Variants in PCDHA3 observed in about 807,000 individuals in gnomAD.
The protein encoded by PCDHA3 is protocadherin alpha-3.
A neutral mutation model predicts 62.2 loss-of-function variants in PCDHA3; 41 were observed. The observed-to-expected ratio is 0.66, with a 90% confidence interval of 0.51 to 0.86. The LOEUF is 0.86. PCDHA3 is among the 40% of genes least tolerant of loss of function. The probability of loss-of-function intolerance (pLI) is 0.00; values close to 1 mark genes in which losing one functional copy is unlikely to be tolerated. For synonymous variants in PCDHA3, 640 were observed against 555.4 expected (o/e 1.15, Z -2.14); for missense variants, 1,304 against 1,241.2 (o/e 1.05, Z -0.76).
chr5:140,865,139 A>G (rs1467997658), intron 1 of PCDHA3: 1 of 152,202 alleles, frequency 6.6e-6, no homozygotes, highest in Non-Finnish European at 1.5e-5. Flanking sequence ...CTTAGAATTT[A>G]ACATTGTATA....
intron 1 of PCDHA3, chr5:140,811,597 C>T (rs1764916524): frequency 6.6e-6 from 1 of 152,224 alleles, no homozygotes; most frequent in Non-Finnish European, 1.5e-5. Flanking sequence ...AATGGTTGAA[C>T]TAGTTTACAC....
chr5:140,967,747 A>C, intron 1 of PCDHA3: 1 of 1,614,160 alleles, frequency 6.2e-7, no homozygotes, highest in Non-Finnish European at 8.5e-7. Context: ...ATTATGAGGA[A>C]GCCTCCTCCT....
chr5:140,982,288 T>G, intron 2 of PCDHA3, 187 bp from the exon 3 acceptor site: 1 of 1,088,080 alleles, frequency 9.2e-7, no homozygotes, highest in Admixed American at 2.9e-5. Context: ...AGGCAATAAG[T>G]AAGTCAGCAA....
intron 1 of PCDHA3, chr5:140,870,176 TACGAGAGG>T: frequency 6.2e-7 from 1 of 1,614,126 alleles, no homozygotes; most frequent in Non-Finnish European, 8.5e-7. Flanking sequence ...TCCCTCCCAG[TACGAGAGG>T]ACGCTCAGCC....
At chr5:140,828,010 G>A in intron 1 of PCDHA3, 1 of 1,506,714 alleles carries the variant, frequency 6.6e-7, no homozygotes, top group Non-Finnish European at 8.9e-7. Context: ...CAGAAGAAAT[G>A]GATTAATAAA....
In PCDHA3 at chr5:140,869,946, A is replaced by G. The variant is rs557838493; in HGVS notation, c.2394+66355A>G. 13 of 1,612,442 alleles carry G rather than the reference A, an allele frequency of 8.1e-6. No individual in the cohort carries two copies. In the African/African-American group the frequency reaches 9.3e-5, roughly 12 times the overall value. ...TCAATGGAGAGGTAACATACTCCTTAATGTCAATTAAGCCCAATGGAAGAC... is the reference window on the plus strand; with the variant it reads ...TCAATGGAGAGGTAACATACTCCTTGATGTCAATTAAGCCCAATGGAAGAC... On this transcript the variant is annotated intron_variant, in intron 1 of 3. Transcript: ENST00000522353.
At chr5:140,925,690 G>GT (rs2082677818) in intron 1 of PCDHA3, among the ~76,000 whole-genome samples, 1 of 149,642 alleles carries the variant, frequency 6.7e-6, no homozygotes, top group African/African-American at 2.5e-5. Flanking sequence ...GCGAGGGTGG[G>GT]TATCTAGCCT....
intron 1 of PCDHA3, among the ~76,000 whole-genome samples, chr5:140,925,122 GA>G (rs1298426256): frequency 2.7e-5 from 4 of 150,724 alleles, no homozygotes; most frequent in Non-Finnish European, 4.4e-5. Flanking sequence ...AGGAAGGAAG[GA>G]AAAAAAATTT....
At position 140,982,388 on chromosome 5, in the gene PCDHA3, A is replaced by G. The variant is rs868944535; in HGVS notation, c.2454-87A>G. 32 of 1,592,320 alleles carry G rather than the reference A, an allele frequency of 2.0e-5. 1 individual carries two copies. The Middle Eastern group carries it at 4.6e-3, about 226-fold the overall frequency. Reference sequence around the variant, plus strand: ...ATGTGTTAGCTGCAGCCCTGGCTTCATAGTTGTAAGCAATTTCTGAGGGTG... The same window carrying G: ...ATGTGTTAGCTGCAGCCCTGGCTTCGTAGTTGTAAGCAATTTCTGAGGGTG... On this transcript the variant is annotated intron_variant, in intron 2 of 3. Coordinates refer to ENST00000522353, the MANE Select transcript of PCDHA3 (RefSeq NM_018906.3).
chr5:140,930,917 G>A (rs528997377), intron 1 of PCDHA3, among the ~76,000 whole-genome samples: 3 of 152,272 alleles, frequency 2.0e-5, no homozygotes, highest in African/African-American at 7.2e-5. Context: ...TACTTTAGAT[G>A]TGTATATGTG....
rs114851794 is a variant in PCDHA3, at chr5:140,908,247, A to G, written c.2395-70702A>G. ...GTCCTTAGTCTTCTCTTCCTCATCA[A>G]CTGATCATAGGGAACTCCCCATGAG... On this transcript the variant is annotated intron_variant, in intron 1 of 3. Coordinates refer to ENST00000522353, the MANE Select transcript of PCDHA3 (RefSeq NM_018906.3). Among the ~76,000 whole-genome samples, 435 of 152,170 alleles carry G rather than the reference A, an allele frequency of 2.9e-3. 1 individual carries two copies. Among genetic ancestry groups the G allele is most frequent in the African/African-American group, 9.6e-3 (400 of 41,506 alleles).
intron 1 of PCDHA3, chr5:140,865,199 T>C (rs776546973): frequency 1.2e-4 from 18 of 152,246 alleles, no homozygotes; most frequent in Admixed American, 9.2e-4. Context: ...ACCATATTAA[T>C]GTGAATTGCT....
At chr5:140,906,736 A>G (rs1554192686) in intron 1 of PCDHA3, among the ~76,000 whole-genome samples, 1 of 152,132 alleles carries the variant, frequency 6.6e-6, no homozygotes, top group Admixed American at 6.5e-5. Context: ...GTAGTTTCCC[A>G]TTGACACAGG....
At chr5:140,979,043 C>A (rs782371496) in intron 2 of PCDHA3, 36 bp downstream of exon 2, 2 of 1,612,500 alleles carry the variant, frequency 1.2e-6, no homozygotes, top group Non-Finnish European at 1.7e-6. Context: ...CAGAAGTAAC[C>A]TTAACTTGGT....
In PCDHA3 at chr5:140,852,586, T is replaced by TTA. The variant is rs1554145914; in HGVS notation, c.2394+48996_2394+48997insAT. On this transcript the variant is annotated intron_variant, in intron 1 of 3. Transcript: ENST00000522353. ...CCACTGTGCCAAGGCTTTTTTATTTTTTTTTTTTGTCATTTTCTTTCAAAA... is the reference window on the plus strand; with the variant it reads ...CCACTGTGCCAAGGCTTTTTTATTTTTATTTTTTTTGTCATTTTCTTTCAAAA... 25 of 878,568 alleles carry TTA rather than the reference T, an allele frequency of 2.8e-5. 1 individual carries two copies. The highest frequency in any genetic ancestry group is 1.3e-4 in the Admixed American group (2 of 15,686). 54.4% of individuals were successfully genotyped at this position (878,568 alleles called of 1,614,324 possible).
At chr5:140,851,037 T>C (rs1393971342) in intron 1 of PCDHA3, 4 of 1,398,626 alleles carry the variant, frequency 2.9e-6, no homozygotes, top group Non-Finnish European at 3.8e-6. Flanking sequence ...CCCTTAACAT[T>C]GGAGCCGACT....
chr5:140,869,189 G>T (rs1554162601), intron 1 of PCDHA3: 1 of 1,613,836 alleles, frequency 6.2e-7, no homozygotes, highest in African/African-American at 1.3e-5. Flanking sequence ...GTGGGGAGCG[G>T]CCAGCTCCAC....
chr5:140,871,447 G>A, intron 1 of PCDHA3: 1 of 1,609,656 alleles, frequency 6.2e-7, no homozygotes, highest in Non-Finnish European at 8.5e-7. Context: ...TCTGAATAAA[G>A]AGGAGGAAGG....
At chr5:140,834,553 C>T (rs2150220861) in intron 1 of PCDHA3, 19 of 1,614,022 alleles carry the variant, frequency 1.2e-5, no homozygotes, top group Non-Finnish European at 1.6e-5. Flanking sequence ...CTGGAGCTGG[C>T]GGAGCTGGTG....
Sources: allele counts gnomAD v4.1 joint callset (sites outside exome capture counted in the v4.1 genomes callset), GRCh38; gene constraint gnomAD v4.1.1; transcripts MANE v1.5; gene names NCBI Gene and HGNC (gene_info 2026-07-23, HGNC 2026-07-21).